The following PARP8 variants were observed in gnomAD, a reference collection of about 807,000 sequenced individuals.
The protein encoded by PARP8 is protein mono-ADP-ribosyltransferase PARP8.
In PARP8, 51 loss-of-function variants were observed where a neutral mutation model predicts 124.1. The ratio of observed to expected loss-of-function variants is 0.41; its 90% CI spans 0.33 to 0.52. The LOEUF (loss-of-function observed/expected upper bound fraction) is 0.52, where lower values mean the gene tolerates loss of function less well. PARP8 is among the 20% of genes least tolerant of loss of function. The pLI is 0.21. For synonymous variants in PARP8, 391 were observed against 361.5 expected, an observed-to-expected ratio of 1.08 and a Z score of -0.93; for missense variants, 860 against 1,018.9, an observed-to-expected ratio of 0.84 and a Z score of 2.12.
At chr5:50,820,445 A>G (rs1745629234) in intron 15 of PARP8, among the ~76,000 whole-genome samples, 1 of 152,206 alleles carries the variant, frequency 6.6e-6, no homozygotes, top group Non-Finnish European at 1.5e-5. Context: ...GGGACTGGCA[A>G]GGGGAGCCAT....
intron 2 of PARP8, among the ~76,000 whole-genome samples, chr5:50,679,603 C>T (rs1169465736): frequency 6.6e-6 from 1 of 152,122 alleles, no homozygotes; most frequent in Non-Finnish European, 1.5e-5. Flanking sequence ...ACTGGCTTTT[C>T]TTGTATTGTC....
At chr5:50,825,081 G>A (rs1423957460) in intron 18 of PARP8, 106 bp downstream of exon 18, 10 of 909,498 alleles carry the variant, frequency 1.1e-5, no homozygotes, top group Non-Finnish European at 1.8e-5. Context: ...TACAAGCCCT[G>A]CAATGCTATA....
At chr5:50,798,894 C>A (rs1322440194) in intron 14 of PARP8, among the ~76,000 whole-genome samples, 1 of 152,012 alleles carries the variant, frequency 6.6e-6, no homozygotes, top group Non-Finnish European at 1.5e-5. Context: ...TATTTAAATC[C>A]TTTTCATATT....
chr5:50,688,318 G>T (rs2149455946), intron 2 of PARP8, among the ~76,000 whole-genome samples: 1 of 152,092 alleles, frequency 6.6e-6, no homozygotes, highest in South Asian at 2.1e-4. Flanking sequence ...ACTTCACTCT[G>T]ACACACAGCA....
At chr5:50,685,788 C>A (rs927404831) in intron 2 of PARP8, among the ~76,000 whole-genome samples, 2 of 152,138 alleles carry the variant, frequency 1.3e-5, no homozygotes, top group African/African-American at 4.8e-5. Context: ...CAAGGAGGAG[C>A]AAGTCACATC....
intron 14 of PARP8, among the ~76,000 whole-genome samples, chr5:50,810,549 T>C (rs752466571): frequency 8.6e-5 from 13 of 152,026 alleles, no homozygotes; most frequent in Middle Eastern, 3.2e-3. Flanking sequence ...CTTGTGTGTC[T>C]TTAAGGGAGT....
chr5:50,750,601 T>C (rs935552179), intron 3 of PARP8, among the ~76,000 whole-genome samples: 1 of 152,116 alleles, frequency 6.6e-6, no homozygotes, highest in Admixed American at 6.5e-5. Flanking sequence ...TATTAAAAAA[T>C]AGTAATTAGT....
chr5:50,763,314 T>A (rs1316797664), intron 7 of PARP8, 72 bp downstream of exon 7: 1 of 1,235,694 alleles, frequency 8.1e-7, no homozygotes, highest in Admixed American at 1.9e-5. Flanking sequence ...TTGGAGTAAT[T>A]TAAAGGAAAA....
At position 50,696,991 on chromosome 5, in the gene PARP8, G is replaced by A. The variant is rs539466060; in HGVS notation, c.146+28866G>A. Among the ~76,000 whole-genome samples the A allele has an allele frequency of 2.5e-3, 384 of 152,190 alleles. 1 individual carries two copies. Among genetic ancestry groups the A allele is most frequent in the African/African-American group, 8.6e-3 (358 of 41,522 alleles). On this transcript the variant is annotated intron_variant, in intron 2 of 25. Coordinates refer to ENST00000281631, the MANE Select transcript of PARP8 (RefSeq NM_024615.4). The stretch of plus-strand genomic sequence containing the variant: ...ACATTAAGAAGAATGAGTCTGTGCC[G>A]GGCGGGGTGGCTCATGCCTGTAATC...
At chr5:50,760,398 T>C in intron 5 of PARP8, 36 bp downstream of exon 5, 1 of 1,361,874 alleles carries the variant, frequency 7.3e-7, no homozygotes, top group Non-Finnish European at 9.8e-7. Context: ...CTTGAAACAG[T>C]ATAGATATAT....
chr5:50,800,599 A>T (rs1199305510), intron 14 of PARP8, among the ~76,000 whole-genome samples: 2 of 152,070 alleles, frequency 1.3e-5, no homozygotes, highest in Non-Finnish European at 2.9e-5. Context: ...CCTAGTTGTT[A>T]GGTGGTTTTA....
At chr5:50,746,405 C>T (rs151137926) in intron 2 of PARP8, among the ~76,000 whole-genome samples, 90 of 152,264 alleles carry the variant, frequency 5.9e-4, no homozygotes, top group African/African-American at 2.0e-3. Context: ...TAGAACTATA[C>T]TCAAACTTTG....
At chr5:50,690,258 G>A (rs188118004) in intron 2 of PARP8, among the ~76,000 whole-genome samples, 1 of 152,286 alleles carries the variant, frequency 6.6e-6, no homozygotes, top group Middle Eastern at 3.4e-3. Context: ...AAGGTTAAGG[G>A]ATTCCTACTG....
intron 9 of PARP8, among the ~76,000 whole-genome samples, chr5:50,783,022 G>A (rs570120214): frequency 6.6e-6 from 1 of 152,252 alleles, no homozygotes; most frequent in Admixed American, 6.5e-5. Flanking sequence ...CTAGAACCAT[G>A]TCAGGAGTTG....
At chr5:50,735,306 T>C (rs1396407958) in intron 2 of PARP8, among the ~76,000 whole-genome samples, 1 of 152,200 alleles carries the variant, frequency 6.6e-6, no homozygotes, top group African/African-American at 2.4e-5. Context: ...TTTGGGCTTG[T>C]TGAATTATAG....
intron 14 of PARP8, among the ~76,000 whole-genome samples, chr5:50,807,573 G>C (rs1238726162): frequency 6.6e-6 from 1 of 152,054 alleles, no homozygotes; most frequent in African/African-American, 2.4e-5. Flanking sequence ...ATAAAACAAG[G>C]ACTTATTGTC....
At chr5:50,797,114 A>C (rs751929885) in intron 13 of PARP8, 24 bp from the exon 14 acceptor site, 2 of 1,609,580 alleles carry the variant, frequency 1.2e-6, no homozygotes, top group Non-Finnish European at 1.7e-6. Context: ...TGTCTTAATT[A>C]TTTTTCCTTA....
chr5:50,771,168 T>G (rs1269046419), intron 7 of PARP8, among the ~76,000 whole-genome samples: 1 of 151,014 alleles, frequency 6.6e-6, no homozygotes. Flanking sequence ...ATTCATTTAT[T>G]TATTTTTTGA....
At chr5:50,833,324 C>G (rs1350802323) in intron 23 of PARP8, 1 of 390,492 alleles carries the variant, frequency 2.6e-6, no homozygotes, top group Non-Finnish European at 5.0e-6. Context: ...GAGTCAAGAC[C>G]TACAGATGAT....
Sources: allele counts gnomAD v4.1 joint callset (sites outside exome capture counted in the v4.1 genomes callset), GRCh38; gene constraint gnomAD v4.1.1; transcripts MANE v1.5; gene names NCBI Gene and HGNC (gene_info 2026-07-23, HGNC 2026-07-21).